The following FTCDNL1 variants were observed in gnomAD, a reference collection of about 807,000 sequenced individuals.
FTCDNL1 encodes the protein formiminotransferase cyclodeaminase N-terminal like, also known as formiminotransferase N-terminal subdomain-containing protein.
Under a neutral mutation model 5.9 loss-of-function variants are expected in FTCDNL1, and 11 were observed. That is an observed-to-expected ratio of 1.87 (90% CI 1.18 to 3.10). The LOEUF (loss-of-function observed/expected upper bound fraction) is 3.10. FTCDNL1 is among the 30% of genes most tolerant of loss of function. The pLI is 0.00. For synonymous variants in FTCDNL1, 58 were observed against 24.8 expected (o/e 2.34, Z -3.99); for missense variants, 115 against 65.5 (o/e 1.76, Z -2.61).
At chr2:199,706,421 G>A in the FTCDNL1 span, among the ~76,000 whole-genome samples, 12 of 152,136 alleles carry the variant, frequency 7.9e-5, no homozygotes, top group African/African-American at 2.7e-4. Context: ...GTCACCTTGG[G>A]CACTCTGTTA....
chr2:199,728,383 A>T, the FTCDNL1 span, among the ~76,000 whole-genome samples: 41 of 151,922 alleles, frequency 2.7e-4, no homozygotes, highest in East Asian at 7.4e-3. Context: ...AGTAGCTGGG[A>T]CTATAGGCTC....
At chr2:199,839,538 C>A (rs2076526904) in intron 3 of FTCDNL1, among the ~76,000 whole-genome samples, 1 of 152,068 alleles carries the variant, frequency 6.6e-6, no homozygotes, top group Non-Finnish European at 1.5e-5. Flanking sequence ...TGGAATAATT[C>A]AAAAGAATTG....
chr2:199,709,928 A>C, the FTCDNL1 span, among the ~76,000 whole-genome samples: 6 of 146,784 alleles, frequency 4.1e-5, no homozygotes, highest in African/African-American at 1.6e-4. Context: ...TATATTTGTT[A>C]ATCTCTTTTT....
chr2:199,796,398 C>G (rs1700171415), intron 3 of FTCDNL1, among the ~76,000 whole-genome samples: 1 of 152,148 alleles, frequency 6.6e-6, no homozygotes. Flanking sequence ...GACTTATCCT[C>G]AACTGAAGCA....
At position 199,795,254 on chromosome 2, in the gene FTCDNL1, T is replaced by C. The variant is rs561676627; in HGVS notation, c.212-34419A>G. On this transcript the variant is annotated intron_variant, in intron 3 of 3. Coordinates refer to the FTCDNL1 transcript ENST00000416668. ...CTGAGTAATCTTGTAATTTGTCTTTTACCCACTTGTTAGGCTAGATCAGAC... is the reference window on the plus strand; with the variant it reads ...CTGAGTAATCTTGTAATTTGTCTTTCACCCACTTGTTAGGCTAGATCAGAC... Among the ~76,000 whole-genome samples the C allele has an allele frequency of 7.9e-5, 12 of 152,324 alleles. No individual in the cohort carries two copies. In the South Asian group the frequency reaches 1.5e-3, roughly 18 times the overall value.
chr2:199,716,152 A>G, the FTCDNL1 span, among the ~76,000 whole-genome samples: 3 of 151,996 alleles, frequency 2.0e-5, no homozygotes, highest in East Asian at 5.8e-4. Context: ...AAGATTGAGC[A>G]GCACTGTCTC....
chr2:199,784,345 A>G (rs11694792), intron 3 of FTCDNL1, among the ~76,000 whole-genome samples: 68,609 of 152,030 alleles, frequency 0.45, 17,675 homozygotes, highest in Non-Finnish European at 0.56. Context: ...AGCACCAGGT[A>G]AAGATTAGGA....
chr2:199,677,505 G>A, the FTCDNL1 span, among the ~76,000 whole-genome samples: 1 of 152,122 alleles, frequency 6.6e-6, no homozygotes, highest in Non-Finnish European at 1.5e-5. Context: ...AAGAAGATTT[G>A]AAAAGTAGTT....
chr2:199,670,417 G>C, the FTCDNL1 span, among the ~76,000 whole-genome samples: 1 of 152,120 alleles, frequency 6.6e-6, no homozygotes, highest in Admixed American at 6.6e-5. Context: ...TATTTACCAA[G>C]GCAAAATAGG....
At chr2:199,835,844 C>T (rs1368329586) in intron 3 of FTCDNL1, among the ~76,000 whole-genome samples, 3 of 152,142 alleles carry the variant, frequency 2.0e-5, no homozygotes, top group African/African-American at 7.2e-5. Context: ...TAGATATCTA[C>T]TGAAAATCAG....
At chr2:199,747,878 C>A in the FTCDNL1 span, among the ~76,000 whole-genome samples, 1 of 152,152 alleles carries the variant, frequency 6.6e-6, no homozygotes, top group African/African-American at 2.4e-5. Context: ...CTCTTCTCTT[C>A]CCCTTTCCCA....
At chr2:199,691,711 C>G in the FTCDNL1 span, among the ~76,000 whole-genome samples, 1 of 152,186 alleles carries the variant, frequency 6.6e-6, no homozygotes, top group African/African-American at 2.4e-5. Flanking sequence ...GTGGGTAACT[C>G]TTCCTTATAA....
At chr2:199,725,347 A>C in the FTCDNL1 span, among the ~76,000 whole-genome samples, 1 of 152,140 alleles carries the variant, frequency 6.6e-6, no homozygotes, top group African/African-American at 2.4e-5. Context: ...CCAGCTTGCC[A>C]TTCTGTGTCT....
At chr2:199,769,988 G>A (rs781422237) in intron 3 of FTCDNL1, among the ~76,000 whole-genome samples, 4 of 150,890 alleles carry the variant, frequency 2.7e-5, no homozygotes, top group African/African-American at 4.9e-5. Context: ...TCACATTTTC[G>A]TTCAAATCTC....
chr2:199,725,631 CT>C, the FTCDNL1 span, among the ~76,000 whole-genome samples: 2 of 152,084 alleles, frequency 1.3e-5, no homozygotes, highest in African/African-American at 4.8e-5. Flanking sequence ...TTTTGTTTAT[CT>C]TTTGCTTATG....
chr2:199,763,308 G>A lies in FTCDNL1; in HGVS notation c.212-2473C>T, dbSNP rs919383073. 1.7e-4 allele frequency among the ~76,000 whole-genome samples: 26 copies of A among 152,214 alleles called. 1 individual carries two copies. The highest frequency in any genetic ancestry group is 4.6e-4 in the African/African-American group (19 of 41,532). On this transcript the variant is annotated intron_variant, in intron 3 of 3. Transcript: ENST00000416668. ...CGTTCACACTGTCCTCTCCCCCAGC[G>A]TGACTTGTAGTGTGCACCAAGTTTT...
At chr2:199,799,938 C>T (rs932200788) in intron 3 of FTCDNL1, among the ~76,000 whole-genome samples, 3 of 151,916 alleles carry the variant, frequency 2.0e-5, no homozygotes, top group African/African-American at 7.2e-5. Context: ...GCATTATTCA[C>T]TGAATACCCA....
chr2:199,693,372 G>A, the FTCDNL1 span, among the ~76,000 whole-genome samples: 76 of 152,302 alleles, frequency 5.0e-4, no homozygotes, highest in Admixed American at 7.2e-4. Context: ...GTTTGTGGCA[G>A]TATCAGTTAC....
chr2:199,781,219 C>T (rs1481869270), intron 3 of FTCDNL1, among the ~76,000 whole-genome samples: 1 of 152,164 alleles, frequency 6.6e-6, no homozygotes, highest in Admixed American at 6.5e-5. Context: ...AGGATATAAA[C>T]CATTACCTAT....
Sources: allele counts gnomAD v4.1 joint callset (sites outside exome capture counted in the v4.1 genomes callset), GRCh38; gene constraint gnomAD v4.1.1; transcripts MANE v1.5; gene names NCBI Gene and HGNC (gene_info 2026-07-23, HGNC 2026-07-21).